The following ANO10 variants were observed in gnomAD, a reference collection of about 807,000 sequenced individuals.
ANO10 encodes the protein anoctamin 10.
In ANO10, 77 loss-of-function variants were observed where a neutral mutation model predicts 74.7. The ratio of observed to expected loss-of-function variants is 1.03; its 90% CI spans 0.86 to 1.25. ANO10 has a LOEUF of 1.25. Among genes scored for constraint, ANO10 ranks in the 50% most tolerant of loss-of-function variants. ANO10 has a pLI of 0.00. For synonymous variants in ANO10, 279 were observed against 284.9 expected (o/e 0.98, Z 0.21); for missense variants, 721 against 778.1 (o/e 0.93, Z 0.87).
rs9847454 is a variant in ANO10, at chr3:43,565,471, T to A, written c.1293+182A>T. ...TCAGGTTGGTTAGGTTCAACTCATT[T>A]CAGTTGAGCATAATACACAATGCCA... On this transcript the variant is annotated intron_variant, in intron 8 of 12. Transcript: ENST00000292246. Among the ~76,000 whole-genome samples, 2,907 of 152,292 alleles carry A rather than the reference T, an allele frequency of 0.019. 96 individuals carry two copies. The highest frequency in any genetic ancestry group is 0.066 in the African/African-American group (2,748 of 41,534).
At chr3:43,477,646 G>C (rs1018193652) in intron 11 of ANO10, among the ~76,000 whole-genome samples, 2 of 152,212 alleles carry the variant, frequency 1.3e-5, no homozygotes, top group African/African-American at 2.4e-5. Context: ...CAGAGCAGGA[G>C]GGAATAGCCT....
At chr3:43,472,828 G>A (rs960871617) in intron 11 of ANO10, among the ~76,000 whole-genome samples, 1 of 152,198 alleles carries the variant, frequency 6.6e-6, no homozygotes, top group African/African-American at 2.4e-5. Context: ...ATTCTTAGGA[G>A]ATGTATGCTG....
chr3:43,631,339 T>C (rs1347243934), intron 1 of ANO10, among the ~76,000 whole-genome samples: 1 of 152,174 alleles, frequency 6.6e-6, no homozygotes, highest in Non-Finnish European at 1.5e-5. Context: ...CCACATTTTG[T>C]ATGGTTTTGA....
intron 1 of ANO10, among the ~76,000 whole-genome samples, chr3:43,636,030 A>C (rs368870006): frequency 2.5e-4 from 38 of 152,212 alleles, no homozygotes; most frequent in African/African-American, 8.2e-4. Flanking sequence ...AACAAAAAAA[A>C]ACAAAAAAAA....
chr3:43,532,226 G>A (rs1189111838), intron 11 of ANO10, among the ~76,000 whole-genome samples: 1 of 152,204 alleles, frequency 6.6e-6, no homozygotes, highest in African/African-American at 2.4e-5. Flanking sequence ...AGTCACTGAT[G>A]CTCTGATAAT....
intron 11 of ANO10, among the ~76,000 whole-genome samples, chr3:43,519,039 C>A (rs1284089965): frequency 6.6e-6 from 1 of 152,074 alleles, no homozygotes; most frequent in Admixed American, 6.6e-5. Flanking sequence ...CAGGGGGCAT[C>A]ATGGAACCTG....
chr3:43,407,286 C>T (rs562242258), intron 12 of ANO10, among the ~76,000 whole-genome samples: 1 of 152,282 alleles, frequency 6.6e-6, no homozygotes, highest in East Asian at 1.9e-4. Context: ...ACCAGACTTG[C>T]CCAAGCTTGC....
chr3:43,528,538 G>T (rs1020709390), intron 11 of ANO10, among the ~76,000 whole-genome samples: 2 of 151,864 alleles, frequency 1.3e-5, no homozygotes, highest in African/African-American at 4.8e-5. Context: ...AATCATCTTA[G>T]AAATAGTGAT....
At chr3:43,385,549 G>A (rs928749967) in intron 12 of ANO10, among the ~76,000 whole-genome samples, 4 of 152,154 alleles carry the variant, frequency 2.6e-5, no homozygotes, top group African/African-American at 9.7e-5. Flanking sequence ...AAAATGTGGT[G>A]TATATACCAT....
intron 12 of ANO10, among the ~76,000 whole-genome samples, chr3:43,431,424 A>C (rs931746091): frequency 6.6e-6 from 1 of 151,638 alleles, no homozygotes; most frequent in African/African-American, 2.4e-5. Flanking sequence ...ACTTGAACTT[A>C]TCTCTTCCTC....
chr3:43,541,643 CATTA>C (rs1251082362), intron 11 of ANO10, among the ~76,000 whole-genome samples: 2 of 152,086 alleles, frequency 1.3e-5, no homozygotes, highest in Admixed American at 6.5e-5. Context: ...ATGACTCATT[CATTA>C]ATTAATAAAC....
At chr3:43,590,520 C>T (rs1260437562) in intron 4 of ANO10, among the ~76,000 whole-genome samples, 2 of 151,656 alleles carry the variant, frequency 1.3e-5, no homozygotes, top group East Asian at 1.9e-4. Flanking sequence ...TACAGCATCA[C>T]CTAAGAAGAA....
intron 12 of ANO10, among the ~76,000 whole-genome samples, chr3:43,384,408 C>T (rs2092058005): frequency 6.6e-6 from 1 of 152,118 alleles, no homozygotes; most frequent in Non-Finnish European, 1.5e-5. Context: ...CATCATTCTT[C>T]ACAGAACTAC....
At chr3:43,454,710 G>C in intron 11 of ANO10, among the ~76,000 whole-genome samples, 1 of 152,078 alleles carries the variant, frequency 6.6e-6, no homozygotes, top group African/African-American at 2.4e-5. Context: ...AAGGACCATG[G>C]CATTAGCAAG....
chr3:43,586,887 T>C (rs1332495020), intron 4 of ANO10, among the ~76,000 whole-genome samples: 1 of 151,816 alleles, frequency 6.6e-6, no homozygotes, highest in African/African-American at 2.4e-5. Flanking sequence ...GAAAATACAA[T>C]CGGGAAACTG....
intron 1 of ANO10, among the ~76,000 whole-genome samples, chr3:43,627,349 C>G (rs2083502385): frequency 6.6e-6 from 1 of 152,252 alleles, no homozygotes; most frequent in African/African-American, 2.4e-5. Flanking sequence ...GAGTGAACAA[C>G]TCTACTGGGC....
At chr3:43,504,645 TA>T in intron 11 of ANO10, among the ~76,000 whole-genome samples, 1 of 152,066 alleles carries the variant, frequency 6.6e-6, no homozygotes, top group Non-Finnish European at 1.5e-5. Context: ...AATAATTATT[TA>T]TTTATTTTTT....
intron 12 of ANO10, among the ~76,000 whole-genome samples, chr3:43,410,641 T>C (rs531192885): frequency 6.6e-6 from 1 of 152,126 alleles, no homozygotes; most frequent in African/African-American, 2.4e-5. Context: ...ATAAACTATT[T>C]TGATGTGCTC....
rs1199628607 is a variant in ANO10, at chr3:43,680,186, GA to G, written c.-12+11330del. Among the ~76,000 whole-genome samples the G allele has an allele frequency of 2.0e-5, 3 of 152,022 alleles. No individual in the cohort carries two copies. The East Asian group carries it at 5.8e-4, about 29-fold the overall frequency. ...CCATGGCAAAGAAGTTAAAAACCTT[GA>G]AAAAAAATTAGACGAATGGCTAACT... On this transcript the variant is annotated intron_variant, in intron 1 of 3. Transcript: ENST00000413397.
Sources: allele counts gnomAD v4.1 joint callset (sites outside exome capture counted in the v4.1 genomes callset), GRCh38; gene constraint gnomAD v4.1.1; transcripts MANE v1.5; gene names NCBI Gene and HGNC (gene_info 2026-07-23, HGNC 2026-07-21).